Variants in WWOX observed in about 807,000 individuals in gnomAD.
WWOX encodes the protein WW domain containing oxidoreductase.
WWOX carries 69 observed loss-of-function variants against 46.2 expected under a neutral mutation model. That is an observed-to-expected ratio of 1.49 (90% CI 1.23 to 1.82). The LOEUF (loss-of-function observed/expected upper bound fraction) is 1.82, where lower values mean the gene tolerates loss of function less well. Among genes scored for constraint, WWOX ranks in the 40% most tolerant of loss-of-function variants. The pLI is 0.00. For synonymous variants in WWOX, 359 were observed against 202.6 expected (o/e 1.77, Z -6.56); for missense variants, 919 against 542.6 (o/e 1.69, Z -6.89).
intron 8 of WWOX, among the ~76,000 whole-genome samples, chr16:78,452,969 C>A (rs184343835): frequency 1.3e-5 from 2 of 149,780 alleles, no homozygotes; most frequent in East Asian, 2.1e-4. Context: ...TGAGCCTCAA[C>A]CTTCTTGGCC....
chr16:78,669,114 C>A (rs2047400669), intron 8 of WWOX, among the ~76,000 whole-genome samples: 1 of 151,980 alleles, frequency 6.6e-6, no homozygotes, highest in Non-Finnish European at 1.5e-5. Context: ...AAAACCACCT[C>A]CGTTGCTGTG....
intron 8 of WWOX, among the ~76,000 whole-genome samples, chr16:78,717,159 G>C (rs1463033909): frequency 6.6e-6 from 1 of 152,164 alleles, no homozygotes; most frequent in Non-Finnish European, 1.5e-5. Context: ...AATCTAGTCT[G>C]TCTCCCCAGG....
chr16:78,449,736 T>C (rs978652370), intron 8 of WWOX, among the ~76,000 whole-genome samples: 5 of 152,168 alleles, frequency 3.3e-5, no homozygotes, highest in African/African-American at 9.7e-5. Flanking sequence ...ATGAAAAGAA[T>C]AAACAAACTG....
At chr16:78,724,540 T>C (rs2048778541) in intron 8 of WWOX, among the ~76,000 whole-genome samples, 2 of 152,206 alleles carry the variant, frequency 1.3e-5, no homozygotes, top group South Asian at 2.1e-4. Flanking sequence ...TTACAGTCCA[T>C]TATTTACAGT....
At position 78,346,951 on chromosome 16, in the gene WWOX, C is replaced by T. The variant is rs1265927356; in HGVS notation, c.517-39909C>T. 1.7e-5 allele frequency among the ~76,000 whole-genome samples: 2 copies of T among 119,212 alleles called. 1 individual carries two copies. Among genetic ancestry groups the T allele is most frequent in the Admixed American group, 1.6e-4 (2 of 12,170 alleles). 78.2% of individuals were successfully genotyped at this position (119,212 alleles called of 152,430 possible). Reference sequence around the variant, plus strand: ...ATGTTGACCAGGCTGGTTTCAACTCCTGACCTCAGGTGATCTGCCTGCCTC... The same window carrying T: ...ATGTTGACCAGGCTGGTTTCAACTCTTGACCTCAGGTGATCTGCCTGCCTC... On this transcript the variant is annotated intron_variant, in intron 5 of 8. Coordinates refer to ENST00000566780, the MANE Select transcript of WWOX (RefSeq NM_016373.4).
chr16:78,132,216 C>T (rs189205575), intron 4 of WWOX, among the ~76,000 whole-genome samples: 8 of 149,518 alleles, frequency 5.4e-5, no homozygotes, highest in Admixed American at 6.7e-5. Context: ...TTAGTAGAGA[C>T]GGGGTTTCAC....
intron 8 of WWOX, among the ~76,000 whole-genome samples, chr16:78,699,579 C>T (rs2048169485): frequency 1.3e-5 from 2 of 152,126 alleles, no homozygotes; most frequent in Non-Finnish European, 1.5e-5. Flanking sequence ...TCATGAGATA[C>T]CACATACGTG....
chr16:79,139,646 C>T (rs1050413238), intron 8 of WWOX, among the ~76,000 whole-genome samples: 9 of 151,680 alleles, frequency 5.9e-5, no homozygotes, highest in Admixed American at 3.3e-4. Flanking sequence ...GAAAAGCAGG[C>T]CGATCTTGTT....
chr16:78,534,211 T>G (rs141698550), intron 8 of WWOX, among the ~76,000 whole-genome samples: 2,165 of 152,258 alleles, frequency 0.014, 23 homozygotes, highest in African/African-American at 0.027. Context: ...CCACTCTGAG[T>G]CTTGTCAAAT....
In WWOX at chr16:78,640,826, C is replaced by G. The variant is rs112969478; in HGVS notation, c.1056+208074C>G. ...TGGCAGTGTGTGCCTGTAATCCCAG[C>G]TATTCGGGAGGGTGAGGCAGGGGAA... On this transcript the variant is annotated intron_variant, in intron 8 of 8. Transcript: ENST00000566780. 6.5e-3 allele frequency among the ~76,000 whole-genome samples: 982 copies of G among 151,682 alleles called. 9 individuals carry two copies. The highest frequency in any genetic ancestry group is 0.022 in the African/African-American group (928 of 41,356).
chr16:78,324,015 G>A (rs1045353179), intron 5 of WWOX, among the ~76,000 whole-genome samples: 14 of 152,262 alleles, frequency 9.2e-5, no homozygotes, highest in Middle Eastern at 3.4e-3. Context: ...TCCCCTATGA[G>A]ATTATTTCCT....
chr16:78,209,085 A>T (rs2151785252), intron 5 of WWOX, among the ~76,000 whole-genome samples: 1 of 152,314 alleles, frequency 6.6e-6, no homozygotes, highest in Admixed American at 6.5e-5. Flanking sequence ...ATTTCATGCT[A>T]AATAGGGAGT....
At chr16:78,840,661 T>G (rs1223492245) in intron 8 of WWOX, among the ~76,000 whole-genome samples, 2 of 152,118 alleles carry the variant, frequency 1.3e-5, no homozygotes, top group African/African-American at 4.8e-5. Flanking sequence ...AAATTTGGAT[T>G]CTGATTCAGT....
intron 5 of WWOX, among the ~76,000 whole-genome samples, chr16:78,223,879 G>A (rs557346282): frequency 6.6e-6 from 1 of 152,324 alleles, no homozygotes; most frequent in South Asian, 2.1e-4. Context: ...TGTCTAAGGT[G>A]GGGAAGTTGT....
chr16:78,403,934 C>T (rs1434269253), intron 6 of WWOX, among the ~76,000 whole-genome samples: 4 of 152,300 alleles, frequency 2.6e-5, no homozygotes, highest in South Asian at 2.1e-4. Flanking sequence ...GACCACAGAG[C>T]AGGGTTTTCC....
chr16:78,388,095 A>G (rs2082097534), intron 6 of WWOX, among the ~76,000 whole-genome samples: 1 of 152,158 alleles, frequency 6.6e-6, no homozygotes, highest in Non-Finnish European at 1.5e-5. Flanking sequence ...CGTAGTGCAC[A>G]ATCTCGCCTT....
At chr16:79,189,801 G>T (rs982916003) in intron 8 of WWOX, among the ~76,000 whole-genome samples, 19 of 151,380 alleles carry the variant, frequency 1.3e-4, no homozygotes, top group Non-Finnish European at 1.8e-4. Flanking sequence ...CCGGTGGGAG[G>T]GGGGGGATAT....
At chr16:79,003,257 A>T (rs780377265) in intron 8 of WWOX, among the ~76,000 whole-genome samples, 17 of 152,228 alleles carry the variant, frequency 1.1e-4, no homozygotes, top group Admixed American at 7.9e-4. Flanking sequence ...ATAGTATAAA[A>T]ATAGGCAATG....
chr16:78,842,485 A>G (rs905568572), intron 8 of WWOX, among the ~76,000 whole-genome samples: 3 of 144,992 alleles, frequency 2.1e-5, no homozygotes, highest in African/African-American at 7.6e-5. Context: ...CCTGGGTGAA[A>G]AAGTGACACC....
Sources: gnomAD v4.1 joint callset for allele counts (sites outside exome capture counted in the v4.1 genomes callset) on GRCh38, gnomAD v4.1.1 for gene constraint, MANE v1.5 for transcripts, NCBI Gene and HGNC (gene_info 2026-07-23, HGNC 2026-07-21) for gene names.